Variants in RORA observed in about 807,000 individuals in gnomAD.
RORA encodes RAR related orphan receptor A.
Under a neutral mutation model 69.5 loss-of-function variants are expected in RORA, and 7 were observed. The observed-to-expected ratio is 0.10, with a 90% CI of 0.06 to 0.19. The LOEUF (loss-of-function observed/expected upper bound fraction) is 0.19, where lower values mean the gene tolerates loss of function less well. Among genes scored for constraint, RORA ranks in the 10% least tolerant of loss-of-function variants. The pLI is 1.00. For synonymous variants in RORA, 261 were observed against 240.8 expected (o/e 1.08, Z -0.78); for missense variants, 457 against 663.0 (o/e 0.69, Z 3.41).
intron 1 of RORA, among the ~76,000 whole-genome samples, chr15:61,132,800 A>G (rs1443750887): frequency 6.6e-6 from 1 of 152,222 alleles, no homozygotes; most frequent in Non-Finnish European, 1.5e-5. Context: ...AACGCAGCCC[A>G]TAAATTTGGT....
chr15:60,866,819 T>TC (rs771914660), intron 1 of RORA, among the ~76,000 whole-genome samples: 93 of 114,104 alleles, frequency 8.2e-4, no homozygotes, highest in African/African-American at 2.4e-3. Flanking sequence ...GTATCTTATC[T>TC]TTATCTATCT....
At chr15:60,976,972 T>A (rs1284255069) in intron 1 of RORA, among the ~76,000 whole-genome samples, 1 of 152,128 alleles carries the variant, frequency 6.6e-6, no homozygotes, top group Non-Finnish European at 1.5e-5. Context: ...GTGTCCTGGG[T>A]TTCCCAGGAC....
At chr15:61,177,958 T>C (rs905108537) in intron 1 of RORA, among the ~76,000 whole-genome samples, 3 of 136,504 alleles carry the variant, frequency 2.2e-5, no homozygotes, top group East Asian at 2.1e-4. Flanking sequence ...CAAGACTCCA[T>C]CTCAACAAAA....
At chr15:60,941,151 T>G (rs1892684627) in intron 1 of RORA, among the ~76,000 whole-genome samples, 1 of 152,244 alleles carries the variant, frequency 6.6e-6, no homozygotes, top group East Asian at 1.9e-4. Flanking sequence ...TTTTATGGCA[T>G]GGTGATAAGC....
At chr15:60,728,109 T>G (rs186433352) in intron 1 of RORA, among the ~76,000 whole-genome samples, 11 of 152,364 alleles carry the variant, frequency 7.2e-5, no homozygotes, top group African/African-American at 2.6e-4. Context: ...TTGCATGTTA[T>G]TGGAACTGAA....
At chr15:60,893,769 G>A (rs1451308729) in intron 1 of RORA, among the ~76,000 whole-genome samples, 2 of 152,168 alleles carry the variant, frequency 1.3e-5, no homozygotes, top group Non-Finnish European at 1.5e-5. Flanking sequence ...GATGGGAGAA[G>A]AAATCCCAGA....
chr15:61,146,443 C>G (rs1019256301), intron 1 of RORA, among the ~76,000 whole-genome samples: 2 of 131,352 alleles, frequency 1.5e-5, no homozygotes, highest in African/African-American at 2.8e-5. Context: ...CTTCCTCCCC[C>G]CAACACACAT....
chr15:60,638,057 T>C (rs1263633503), intron 2 of RORA, among the ~76,000 whole-genome samples: 1 of 152,158 alleles, frequency 6.6e-6, no homozygotes, highest in Non-Finnish European at 1.5e-5. Context: ...GTAGAAACAG[T>C]AATATAAAGA....
At chr15:60,765,402 C>T (rs1369423781) in intron 1 of RORA, 3 of 152,038 alleles carry the variant, frequency 2.0e-5, no homozygotes, top group Admixed American at 2.0e-4. Context: ...TCTACTTGTT[C>T]CTAAGTATTG....
intron 2 of RORA, among the ~76,000 whole-genome samples, chr15:60,588,218 G>C (rs2068391933): frequency 6.6e-6 from 1 of 152,186 alleles, no homozygotes; most frequent in African/African-American, 2.4e-5. Flanking sequence ...TGTAGCTGCT[G>C]ACTCTGAGTG....
intron 1 of RORA, among the ~76,000 whole-genome samples, chr15:60,952,157 A>C (rs987316059): frequency 6.6e-6 from 1 of 151,158 alleles, no homozygotes; most frequent in Non-Finnish European, 1.5e-5. Flanking sequence ...AATAAATGTA[A>C]TCCAGCATAT....
At chr15:60,758,632 T>C (rs566048529) in intron 1 of RORA, among the ~76,000 whole-genome samples, 1 of 152,306 alleles carries the variant, frequency 6.6e-6, no homozygotes, top group Admixed American at 6.5e-5. Flanking sequence ...TCTCAACTAG[T>C]TTTTGCTCAT....
At chr15:60,929,670 C>G (rs559879358) in intron 1 of RORA, among the ~76,000 whole-genome samples, 1 of 152,326 alleles carries the variant, frequency 6.6e-6, no homozygotes. Context: ...TGCTACAAGA[C>G]ATCTGATATG....
At chr15:60,915,256 G>A (rs2140483341) in intron 1 of RORA, among the ~76,000 whole-genome samples, 1 of 151,568 alleles carries the variant, frequency 6.6e-6, no homozygotes, top group South Asian at 2.1e-4. Context: ...TTTCTGAGCT[G>A]CATTTCAGAT....
chr15:61,128,159 T>C lies in RORA; in HGVS notation c.166+100894A>G, dbSNP rs2079158854. 1.3e-5 allele frequency among the ~76,000 whole-genome samples: 2 copies of C among 152,190 alleles called. No individual in the cohort carries two copies. The highest frequency in any genetic ancestry group is 4.8e-5 in the African/African-American group (2 of 41,458). On this transcript the variant is annotated intron_variant, in intron 1 of 10. Transcript: ENST00000335670. This position sits in a 1 kb window ranked among gnomAD's most constrained non-coding sequence, Gnocchi z 4.5. ...CATTTCTACTTAAGTTGGAATGATT[T>C]GTATATTTTCCCTATATCATAATTG...
At chr15:60,540,280 T>A (rs929115463) in intron 2 of RORA, among the ~76,000 whole-genome samples, 6 of 152,238 alleles carry the variant, frequency 3.9e-5, no homozygotes, top group African/African-American at 1.4e-4. Context: ...GTCAACTCTT[T>A]GCTTTCATTG....
intron 1 of RORA, among the ~76,000 whole-genome samples, chr15:61,033,449 T>G (rs1488397058): frequency 6.6e-6 from 1 of 151,256 alleles, no homozygotes. Context: ...AGTGGGACCC[T>G]TCAAATTTGT....
Position 60,534,333 on chromosome 15 carries a change from G to C in RORA, c.197-2482C>G, listed in dbSNP as rs1456143850. On this transcript the variant is annotated intron_variant, in intron 2 of 10. Transcript: ENST00000335670. This position sits in a 1 kb window ranked among gnomAD's most constrained non-coding sequence, Gnocchi z 5.0. Reference sequence around the variant, plus strand: ...GTTGTAGTACAGACCCCAGAGTTTGGTGCCACTGTGACACAGGACTGATGG... The same window carrying C: ...GTTGTAGTACAGACCCCAGAGTTTGCTGCCACTGTGACACAGGACTGATGG... Among the ~76,000 whole-genome samples, 1 of 152,152 alleles carries C rather than the reference G, an allele frequency of 6.6e-6. No individual in the cohort carries two copies.
chr15:60,646,733 C>T (rs1432766233), intron 2 of RORA, among the ~76,000 whole-genome samples: 1 of 152,156 alleles, frequency 6.6e-6, no homozygotes, highest in Non-Finnish European at 1.5e-5. Context: ...TGCACCAAGA[C>T]CCAGGGTGAT....
Sources: gnomAD v4.1 joint callset for allele counts (sites outside exome capture counted in the v4.1 genomes callset) on GRCh38, gnomAD v4.1.1 for gene constraint, Gnocchi (gnomAD v3.1) non-coding constraint, MANE v1.5 for transcripts, NCBI Gene and HGNC (gene_info 2026-07-23, HGNC 2026-07-21) for gene names.